TFG: variants seen among roughly 807,000 people sequenced by gnomAD.
TFG encodes protein TFG.
Under a neutral mutation model 51.4 loss-of-function variants are expected in TFG, and 22 were observed. That is an observed-to-expected ratio of 0.43 (90% CI 0.31 to 0.61). The LOEUF (loss-of-function observed/expected upper bound fraction) is 0.61, where lower values mean the gene tolerates loss of function less well. Ranked by LOEUF, TFG falls within the 20% of genes least tolerant of loss-of-function variation. The probability of loss-of-function intolerance (pLI) is 0.12; values close to 1 mark genes in which losing one functional copy is unlikely to be tolerated. For synonymous variants in TFG, 187 were observed against 165.6 expected, an observed-to-expected ratio of 1.13 and a Z score of -0.99; for missense variants, 419 against 487.7, an observed-to-expected ratio of 0.86 and a Z score of 1.33.
intron 6 of TFG, among the ~76,000 whole-genome samples, chr3:100,737,326 A>G (rs2095109306): frequency 6.6e-6 from 1 of 152,220 alleles, no homozygotes; most frequent in Non-Finnish European, 1.5e-5. Context: ...ACTGGACTGA[A>G]CCCAGTGGTT....
At chr3:100,720,120 C>CT in intron 3 of TFG, 62 bp downstream of exon 3, 5 of 1,069,768 alleles carry the variant, frequency 4.7e-6, no homozygotes, top group South Asian at 1.6e-5. Flanking sequence ...AGATGTTTGG[C>CT]TTTTTTCCTT....
intron 2 of TFG, among the ~76,000 whole-genome samples, chr3:100,717,652 G>A (rs931829977): frequency 2.9e-5 from 3 of 105,014 alleles, no homozygotes; most frequent in African/African-American, 1.2e-4. Context: ...AAAAATTTTT[G>A]TAGCTGTGGT....
In TFG at chr3:100,728,703, T is replaced by A. The variant is rs747476366; in HGVS notation, c.269-9T>A. ...TCTAATTTTAAGCAAATAAATGTTT[T>A]TATTTCAGTTAATGGCCAGCCAAGA... On this transcript the variant is annotated splice_polypyrimidine_tract_variant and intron_variant, in intron 3 of 7. Coordinates refer to ENST00000240851, the MANE Select transcript of TFG (RefSeq NM_006070.6). 30 of 1,574,250 alleles carry A rather than the reference T, an allele frequency of 1.9e-5. No individual in the cohort carries two copies. The highest frequency in any genetic ancestry group is 2.6e-5 in the Non-Finnish European group (30 of 1,163,976).
chr3:100,711,339 G>A (rs914997697), intron 1 of TFG, among the ~76,000 whole-genome samples: 1 of 152,182 alleles, frequency 6.6e-6, no homozygotes, highest in African/African-American at 2.4e-5. Flanking sequence ...CTGACCTCGT[G>A]ATCTGCCCGC....
chr3:100,745,791 T>C (rs1232629029), intron 7 of TFG, among the ~76,000 whole-genome samples: 1 of 152,212 alleles, frequency 6.6e-6, no homozygotes, highest in African/African-American at 2.4e-5. Flanking sequence ...TCTGGACTAT[T>C]GCCTGTTTTT....
At chr3:100,746,472 C>T (rs1310626767) in intron 7 of TFG, among the ~76,000 whole-genome samples, 1 of 152,012 alleles carries the variant, frequency 6.6e-6, no homozygotes, top group East Asian at 1.9e-4. Flanking sequence ...CTGGAGTTGG[C>T]AGACTTACTC....
chr3:100,722,298 C>G (rs1457198250), intron 3 of TFG, among the ~76,000 whole-genome samples: 1 of 152,148 alleles, frequency 6.6e-6, no homozygotes, highest in Admixed American at 6.5e-5. Context: ...AGGTTAAACA[C>G]ATTAGTCATA....
intron 6 of TFG, among the ~76,000 whole-genome samples, chr3:100,737,950 T>G (rs2095111093): frequency 6.6e-6 from 1 of 152,146 alleles, no homozygotes; most frequent in Non-Finnish European, 1.5e-5. Flanking sequence ...TTCCAGCTAC[T>G]TGGGAAGCTG....
intron 6 of TFG, among the ~76,000 whole-genome samples, chr3:100,739,402 C>A (rs920152985): frequency 6.6e-6 from 1 of 151,560 alleles, no homozygotes; most frequent in Non-Finnish European, 1.5e-5. Context: ...TAAAAAAAAA[C>A]CAAAAGGGAT....
intron 3 of TFG, among the ~76,000 whole-genome samples, chr3:100,721,284 AAGT>A (rs2095060134): frequency 6.6e-6 from 1 of 151,994 alleles, no homozygotes; most frequent in South Asian, 2.1e-4. Context: ...GGGAACAAAA[AAGT>A]AGAGGGAACT....
chr3:100,744,793 CA>C, intron 6 of TFG, 39 bp from the exon 7 acceptor site: 1 of 1,366,886 alleles, frequency 7.3e-7, no homozygotes, highest in East Asian at 2.3e-5. Context: ...CCACATTAAA[CA>C]TGCCTTTTTT....
At chr3:100,723,991 C>G (rs1265001392) in intron 3 of TFG, among the ~76,000 whole-genome samples, 1 of 152,080 alleles carries the variant, frequency 6.6e-6, no homozygotes, top group African/African-American at 2.4e-5. Flanking sequence ...CCAAATTTCC[C>G]TACTTTTGGA....
At chr3:100,730,721 T>G (rs1040234001) in intron 4 of TFG, among the ~76,000 whole-genome samples, 1 of 152,154 alleles carries the variant, frequency 6.6e-6, no homozygotes, top group Non-Finnish European at 1.5e-5. Flanking sequence ...TGGATGCTTG[T>G]TTTCCTTTAA....
chr3:100,743,294 C>T (rs951963778), intron 6 of TFG: 1 of 152,090 alleles, frequency 6.6e-6, no homozygotes, highest in African/African-American at 2.4e-5. Context: ...TTCTAATTTT[C>T]AAGAATTAAG....
At chr3:100,741,994 G>A (rs749175014) in intron 6 of TFG, among the ~76,000 whole-genome samples, 5 of 152,088 alleles carry the variant, frequency 3.3e-5, no homozygotes, top group African/African-American at 4.8e-5. Flanking sequence ...TTGTCATTAA[G>A]CAATGCATGA....
In TFG at chr3:100,748,646, T is replaced by TA. The variant is rs2095157857; in HGVS notation, c.*116dup. The TA allele has an allele frequency of 5.1e-6, 6 of 1,174,786 alleles. No homozygotes were observed. The East Asian group carries it at 1.0e-4, about 20-fold the overall frequency. The allele number at this position is 1,174,786 out of a possible 1,614,324, so 72.8% of individuals were successfully genotyped here. On this transcript the variant is annotated 3_prime_UTR_variant, in exon 8 of 8. Transcript: ENST00000240851. ...AGAAATTTAAAAGCAGAGCATTTTT[T>TA]ATGATATCATTGTTGGTGTTAATTG...
chr3:100,744,827 T>G lies in TFG; in HGVS notation c.722-6T>G, dbSNP rs1300188341. The stretch of plus-strand genomic sequence containing the variant: ...TTTCCTTGTGTGTGTGTGTGTGTGT[T>G]TTCAGGTCAGATGTACCAACAGTAC... On this transcript the variant is annotated splice_region_variant and splice_polypyrimidine_tract_variant and intron_variant, in intron 6 of 7. Transcript: ENST00000240851. 1 of 1,603,946 alleles carries G rather than the reference T, an allele frequency of 6.2e-7. No individual in the cohort carries two copies. Among genetic ancestry groups the G allele is most frequent in the Non-Finnish European group, 8.5e-7 (1 of 1,172,052 alleles).
rs1039112244 is a variant in TFG at position 100,720,673 on chromosome 3, A to G, written c.268+615A>G. On this transcript the variant is annotated intron_variant, in intron 3 of 7. Coordinates refer to ENST00000240851, the MANE Select transcript of TFG (RefSeq NM_006070.6). ...CCCGGTTTGGTTCCTAACAGGCCACAGAGTAGCACTGGGTTGGGGACCCTT... is the reference window on the plus strand; with the variant it reads ...CCCGGTTTGGTTCCTAACAGGCCACGGAGTAGCACTGGGTTGGGGACCCTT... Among the ~76,000 whole-genome samples, 7 of 152,372 alleles carry G rather than the reference A, an allele frequency of 4.6e-5. No individual in the cohort carries two copies. In the East Asian group the frequency reaches 1.3e-3, roughly 29 times the overall value.
At chr3:100,713,129 T>C (rs999148213) in intron 1 of TFG, among the ~76,000 whole-genome samples, 1 of 152,208 alleles carries the variant, frequency 6.6e-6, no homozygotes, top group Non-Finnish European at 1.5e-5. Flanking sequence ...GCAGACTGGT[T>C]AGGAGTCTTT....
Sources: gnomAD v4.1 joint callset for allele counts (sites outside exome capture counted in the v4.1 genomes callset) on GRCh38, gnomAD v4.1.1 for gene constraint, MANE v1.5 for transcripts, NCBI Gene and HGNC (gene_info 2026-07-23, HGNC 2026-07-21) for gene names.